Variants in NSD3 observed in about 807,000 individuals in gnomAD.
The protein encoded by NSD3 is nuclear receptor binding SET domain protein 3.
A neutral mutation model predicts 160.8 loss-of-function variants in NSD3; 24 were observed. The observed-to-expected ratio is 0.15, with a 90% CI of 0.11 to 0.21. The LOEUF (loss-of-function observed/expected upper bound fraction) is 0.21. NSD3 is among the 10% of genes least tolerant of loss of function. NSD3 has a pLI of 1.00. For missense variants in NSD3, 1,157 were observed against 1,735.9 expected, an observed-to-expected ratio of 0.67 and a Z score of 5.93; for synonymous variants, 520 against 600.0, an observed-to-expected ratio of 0.87 and a Z score of 1.95.
chr8:38,281,015 CA>C (rs1808721471), intron 20 of NSD3, among the ~76,000 whole-genome samples: 1 of 152,150 alleles, frequency 6.6e-6, no homozygotes, highest in Admixed American at 6.5e-5. Context: ...CTCAGCCTCC[CA>C]AAGTATTGGG....
Position 38,319,446 on chromosome 8 carries a change from A to T in NSD3, c.1810-506T>A, listed in dbSNP as rs962439757. Among the ~76,000 whole-genome samples the T allele has an allele frequency of 1.3e-5, 2 of 152,220 alleles. No homozygotes were observed. The highest frequency in any genetic ancestry group is 4.8e-5 in the African/African-American group (2 of 41,450). On this transcript the variant is annotated intron_variant, in intron 8 of 23. Transcript: ENST00000317025. The surrounding 1 kb of genome is among the most constrained non-coding windows in gnomAD (Gnocchi z 4.1). ...TAGAGAGTGCTACAGGGCTCCATAC[A>T]GCTGGAAGCTCAATACTTTTGCTGC...
chr8:38,378,315 C>T (rs562976906), intron 1 of NSD3, among the ~76,000 whole-genome samples: 26 of 152,048 alleles, frequency 1.7e-4, no homozygotes, highest in African/African-American at 5.8e-4. Flanking sequence ...ACCAGCCTGG[C>T]CAACATAGTG....
At chr8:38,315,595 C>T in intron 10 of NSD3, 51 bp from the exon 11 acceptor site, 9 of 1,600,668 alleles carry the variant, frequency 5.6e-6, no homozygotes, top group Non-Finnish European at 7.7e-6. Context: ...AAATTCCCTC[C>T]AAGATAAGAT....
At position 38,315,371 on chromosome 8, in the gene NSD3, T is replaced by C. The variant is rs749434699; in HGVS notation, c.2115+45A>G. 5 of 1,503,392 alleles carry C rather than the reference T, an allele frequency of 3.3e-6. No homozygotes were observed. In the African/African-American group the frequency reaches 7.1e-5, roughly 21 times the overall value. The allele number at this position is 1,503,392 out of a possible 1,614,324, so 93.1% of individuals were successfully genotyped here. The stretch of plus-strand genomic sequence containing the variant: ...GGAGTTAAGTCTATTACTGGCAGAA[T>C]ATAATAGCAATTATTTCAAGCCATA... On this transcript the variant is annotated intron_variant, in intron 11 of 23. Coordinates refer to ENST00000317025, the MANE Select transcript of NSD3 (RefSeq NM_023034.2).
chr8:38,312,814 C>A (rs1809566335), intron 12 of NSD3, among the ~76,000 whole-genome samples: 1 of 152,128 alleles, frequency 6.6e-6, no homozygotes, highest in Non-Finnish European at 1.5e-5. Context: ...GAATTGTGAG[C>A]CACTTAAACG....
Position 38,319,168 on chromosome 8 carries a change from C to CGAGA in NSD3, c.1810-229_1810-228insTCTC. ...AAGTGACAACACACAGCCACATGCT[C>CGAGA]TCTAGCAAAGACTTTTCCCACCATT... On this transcript the variant is annotated intron_variant, in intron 8 of 23. Coordinates refer to ENST00000317025, the MANE Select transcript of NSD3 (RefSeq NM_023034.2). The surrounding 1 kb of genome is among the most constrained non-coding windows in gnomAD (Gnocchi z 4.1). The CGAGA allele has an allele frequency of 2.1e-6, 1 of 468,610 alleles. No individual in the cohort carries two copies. Among genetic ancestry groups the CGAGA allele is most frequent in the Non-Finnish European group, 3.8e-6 (1 of 263,376 alleles). 29.0% of individuals were successfully genotyped at this position (468,610 alleles called of 1,614,324 possible).
intron 22 of NSD3, 36 bp downstream of exon 22, chr8:38,278,270 G>GCCTGTTGA: frequency 6.3e-7 from 1 of 1,590,374 alleles, no homozygotes; most frequent in Non-Finnish European, 8.6e-7. Context: ...ACTCCTTATC[G>GCCTGTTGA]CCTGTTGACT....
chr8:38,295,633 C>T (rs1301598654), intron 16 of NSD3, among the ~76,000 whole-genome samples, 163 bp downstream of exon 16: 1 of 151,890 alleles, frequency 6.6e-6, no homozygotes, highest in African/African-American at 2.4e-5. Context: ...CCTTCCCAAC[C>T]CCTTAAGAAC....
At position 38,382,157 on chromosome 8, in the gene NSD3, C is replaced by T. The variant is rs1238996352; in HGVS notation, c.-403G>A. 6.5e-6 allele frequency: 1 copy of T among 153,204 alleles called. No homozygotes were observed. Among genetic ancestry groups the T allele is most frequent in the Non-Finnish European group, 1.5e-5 (1 of 68,244 alleles). 9.5% of individuals were successfully genotyped at this position (153,204 alleles called of 1,614,324 possible). On this transcript the variant is annotated 5_prime_UTR_variant, in exon 1 of 24. Transcript: ENST00000317025. This position sits in a 1 kb window ranked among gnomAD's most constrained non-coding sequence, Gnocchi z 4.2. ...GGCCTGGGTAGCACGGTCCTCGGCGCTCGGCTCGGAATTCGCACGCCTCTC... is the reference window on the plus strand; with the variant it reads ...GGCCTGGGTAGCACGGTCCTCGGCGTTCGGCTCGGAATTCGCACGCCTCTC...
chr8:38,317,450 T>C lies in NSD3; in HGVS notation c.1856-1408A>G. ...ACAGGAGTGCTGTACTGAGAGGCTT[T>C]CGAAGGGAAACACAGGTACCGCCAT... On this transcript the variant is annotated intron_variant, in intron 9 of 23. Transcript: ENST00000317025. This position sits in a 1 kb window ranked among gnomAD's most constrained non-coding sequence, Gnocchi z 5.3. The C allele has an allele frequency of 9.5e-7, 1 of 1,057,944 alleles. No individual in the cohort carries two copies. The highest frequency in any genetic ancestry group is 1.1e-6 in the Non-Finnish European group (1 of 874,628). 65.5% of individuals were successfully genotyped at this position (1,057,944 alleles called of 1,614,324 possible). A position where few individuals can be genotyped will look rare whatever the true frequency, so the allele number is the denominator to read the frequency against.
chr8:38,281,812 T>C (rs1808739439), intron 19 of NSD3, among the ~76,000 whole-genome samples: 1 of 152,236 alleles, frequency 6.6e-6, no homozygotes, highest in Non-Finnish European at 1.5e-5. Context: ...ATACTATTTT[T>C]ATAGTCCAAG....
At chr8:38,308,117 G>GA (rs1421780878) in intron 12 of NSD3, among the ~76,000 whole-genome samples, 2 of 152,106 alleles carry the variant, frequency 1.3e-5, no homozygotes, top group East Asian at 1.9e-4. Context: ...AAATCTGAAG[G>GA]AAAAAATATA....
At chr8:38,289,286 A>C in intron 18 of NSD3, 107 bp downstream of exon 18, 1 of 1,036,684 alleles carries the variant, frequency 9.6e-7, no homozygotes, top group Non-Finnish European at 1.4e-6. Context: ...TAACTACTAA[A>C]GAGTAATGCA....
intron 12 of NSD3, among the ~76,000 whole-genome samples, chr8:38,312,163 G>A (rs1585876915): frequency 6.6e-6 from 1 of 152,140 alleles, no homozygotes; most frequent in East Asian, 1.9e-4. Flanking sequence ...CTTTATGCCA[G>A]TATCACACTG....
chr8:38,325,314 A>T (rs1809881450), intron 7 of NSD3, among the ~76,000 whole-genome samples: 3 of 152,356 alleles, frequency 2.0e-5, no homozygotes, highest in Middle Eastern at 3.4e-3. Flanking sequence ...GTCTATAAGT[A>T]CGTTCAGAAA....
intron 2 of NSD3, among the ~76,000 whole-genome samples, chr8:38,344,725 C>CT (rs557206631): frequency 1.1e-4 from 16 of 152,082 alleles, no homozygotes; most frequent in Non-Finnish European, 2.2e-4. Context: ...TTAAATCAGA[C>CT]TTTTTTCTCC....
At position 38,316,246 on chromosome 8, in the gene NSD3, T is replaced by G. The variant is rs1369163865; in HGVS notation, c.1856-204A>C. Among the ~76,000 whole-genome samples the G allele has an allele frequency of 1.3e-5, 2 of 152,204 alleles. No individual in the cohort carries two copies. The highest frequency in any genetic ancestry group is 2.9e-5 in the Non-Finnish European group (2 of 68,038). On this transcript the variant is annotated intron_variant, in intron 9 of 23. Transcript: ENST00000317025. The surrounding 1 kb of genome is among the most constrained non-coding windows in gnomAD (Gnocchi z 4.5). The stretch of plus-strand genomic sequence containing the variant: ...TGACTGATTTAATTTACAACCGCTC[T>G]ATCAAAACATTTAATTCAGTTCTCC...
In NSD3 at chr8:38,355,434, C is replaced by A. The variant is rs537446397; in HGVS notation, c.-44-7219G>T. On this transcript the variant is annotated intron_variant, in intron 1 of 23. Transcript: ENST00000317025. ...TTAAAAAAAAAAAAAAATCACTGAC[C>A]TAAAGGTACTTTCAATCTCTTTAGC... Among the ~76,000 whole-genome samples, 11 of 151,520 alleles carry A rather than the reference C, an allele frequency of 7.3e-5. No homozygotes were observed. In the East Asian group the frequency reaches 2.1e-3, roughly 29 times the overall value.
chr8:38,335,100 T>C (rs780436185), intron 4 of NSD3, among the ~76,000 whole-genome samples: 10 of 151,722 alleles, frequency 6.6e-5, no homozygotes, highest in Non-Finnish European at 1.5e-4. Flanking sequence ...AGTGATTCTC[T>C]TGTCTCAGTC....
Sources: allele counts gnomAD v4.1 joint callset (sites outside exome capture counted in the v4.1 genomes callset), GRCh38; gene constraint gnomAD v4.1.1; non-coding constraint Gnocchi (gnomAD v3.1); transcripts MANE v1.5; gene names NCBI Gene and HGNC (gene_info 2026-07-23, HGNC 2026-07-21).